CADM2: variants seen among roughly 807,000 people sequenced by gnomAD.
CADM2 encodes the protein cell adhesion molecule 2, also known as immunoglobulin superfamily member 4D.
A neutral mutation model predicts 49.8 loss-of-function variants in CADM2; 12 were observed. That is an observed-to-expected ratio of 0.24 (90% CI 0.15 to 0.39). CADM2 has a LOEUF of 0.39. CADM2 is among the 10% of genes least tolerant of loss of function. CADM2 has a pLI of 1.00. For synonymous variants in CADM2, 214 were observed against 175.4 expected (o/e 1.22, Z -1.74); for missense variants, 378 against 492.3 (o/e 0.77, Z 2.20).
chr3:84,970,274 A>ATTT (rs5850655), intron 1 of CADM2, among the ~76,000 whole-genome samples: 9 of 147,222 alleles, frequency 6.1e-5, no homozygotes, highest in African/African-American at 7.4e-5. Flanking sequence ...ATTGAATTTG[A>ATTT]TTTTTTTTTT....
At chr3:85,043,092 G>T (rs1331376014) in intron 1 of CADM2, among the ~76,000 whole-genome samples, 1 of 152,106 alleles carries the variant, frequency 6.6e-6, no homozygotes, top group African/African-American at 2.4e-5. Flanking sequence ...TGGGTGGGGG[G>T]TGAAGCTAGT....
chr3:85,324,060 C>T (rs941852679), intron 1 of CADM2, among the ~76,000 whole-genome samples: 2 of 152,050 alleles, frequency 1.3e-5, no homozygotes, highest in Admixed American at 6.6e-5. Context: ...TTATATTTTT[C>T]GTTAGCCTTC....
In CADM2 at chr3:85,443,933, T is replaced by G. The variant is rs114554114; in HGVS notation, c.62-282589T>G. Among the ~76,000 whole-genome samples, 345 of 151,954 alleles carry G rather than the reference T, an allele frequency of 2.3e-3. 2 individuals carry two copies. Among genetic ancestry groups the G allele is most frequent in the African/African-American group, 8.0e-3 (333 of 41,524 alleles). ...AGATGTTAGATAGGTATCTCAGATT[T>G]AATGAGCCCCCCAAATTGCATCTGT... On this transcript the variant is annotated intron_variant, in intron 1 of 9. Transcript: ENST00000383699.
chr3:85,746,126 T>C (rs1287383885), intron 2 of CADM2, among the ~76,000 whole-genome samples: 2 of 152,214 alleles, frequency 1.3e-5, no homozygotes, highest in Non-Finnish European at 2.9e-5. Context: ...ACAACTTCAA[T>C]TTAAAATTTC....
intron 1 of CADM2, among the ~76,000 whole-genome samples, chr3:85,529,062 A>G (rs1429911436): frequency 1.3e-5 from 2 of 152,072 alleles, no homozygotes; most frequent in Non-Finnish European, 2.9e-5. Flanking sequence ...CATTTTATAA[A>G]TGAAGAAATT....
At chr3:85,454,591 T>C (rs1268670132) in intron 1 of CADM2, among the ~76,000 whole-genome samples, 1 of 152,208 alleles carries the variant, frequency 6.6e-6, no homozygotes, top group African/African-American at 2.4e-5. Context: ...CTCACTGTTA[T>C]TAAAAATTTG....
intron 1 of CADM2, among the ~76,000 whole-genome samples, chr3:85,107,617 C>CTT (rs1559666013): frequency 7.0e-5 from 10 of 142,254 alleles, no homozygotes; most frequent in Non-Finnish European, 1.1e-4. Context: ...CTTTTTCTTT[C>CTT]TTTCTTTCTT....
At chr3:85,179,095 C>T (rs759971453) in intron 1 of CADM2, among the ~76,000 whole-genome samples, 2 of 151,832 alleles carry the variant, frequency 1.3e-5, no homozygotes, top group Non-Finnish European at 2.9e-5. Context: ...AGTGAAAATA[C>T]AGTGATGCAT....
chr3:85,757,577 G>A (rs1381119377), intron 2 of CADM2, among the ~76,000 whole-genome samples: 1 of 152,128 alleles, frequency 6.6e-6, no homozygotes, highest in East Asian at 1.9e-4. Flanking sequence ...AATACGAGGA[G>A]TGATAAAGGC....
intron 1 of CADM2, among the ~76,000 whole-genome samples, chr3:85,315,633 A>C (rs1376237387): frequency 1.3e-5 from 2 of 152,196 alleles, no homozygotes; most frequent in Non-Finnish European, 2.9e-5. Context: ...ATCCAATATT[A>C]AATCTTTTAA....
intron 7 of CADM2, among the ~76,000 whole-genome samples, chr3:85,957,160 C>T (rs1427624362): frequency 4.6e-5 from 7 of 151,654 alleles, no homozygotes; most frequent in Admixed American, 4.0e-4. Flanking sequence ...ACAAGACAAT[C>T]TAGCCTGTTA....
At chr3:85,963,527 T>G (rs1362612668) in intron 8 of CADM2, among the ~76,000 whole-genome samples, 3 of 151,898 alleles carry the variant, frequency 2.0e-5, no homozygotes, top group Non-Finnish European at 2.9e-5. Context: ...ACCTTAATTT[T>G]CCAAGTGCTT....
At chr3:85,009,237 C>A (rs937149818) in intron 1 of CADM2, among the ~76,000 whole-genome samples, 13 of 152,016 alleles carry the variant, frequency 8.6e-5, no homozygotes, top group African/African-American at 3.1e-4. Flanking sequence ...AATTCAGAGA[C>A]ATTAAAGATA....
At chr3:85,786,912 G>A (rs1047962671) in intron 2 of CADM2, among the ~76,000 whole-genome samples, 5 of 152,004 alleles carry the variant, frequency 3.3e-5, no homozygotes, top group Non-Finnish European at 5.9e-5. Flanking sequence ...TTTCACAGGG[G>A]AAAAACTTAA....
chr3:85,331,495 T>G (rs1230926473), intron 1 of CADM2, among the ~76,000 whole-genome samples: 1 of 151,572 alleles, frequency 6.6e-6, no homozygotes, highest in Non-Finnish European at 1.5e-5. Context: ...CATGAAAATC[T>G]AAAAGTGACT....
At chr3:86,057,235 A>T (rs938010875) in intron 8 of CADM2, among the ~76,000 whole-genome samples, 1 of 152,164 alleles carries the variant, frequency 6.6e-6, no homozygotes, top group Non-Finnish European at 1.5e-5. Context: ...CCCACAAGTT[A>T]TGTATAACTG....
chr3:86,020,562 G>C (rs1175586814), intron 8 of CADM2, among the ~76,000 whole-genome samples: 1 of 151,234 alleles, frequency 6.6e-6, no homozygotes, highest in African/African-American at 2.4e-5. Context: ...CAATATCCTT[G>C]ATGAACATTG....
At chr3:85,249,538 A>T (rs760292257) in intron 1 of CADM2, among the ~76,000 whole-genome samples, 4 of 152,002 alleles carry the variant, frequency 2.6e-5, no homozygotes, top group Non-Finnish European at 4.4e-5. Context: ...ATTAATGTTT[A>T]CATTGTCTAT....
At chr3:85,325,921 C>A (rs1273476993) in intron 1 of CADM2, among the ~76,000 whole-genome samples, 1 of 152,068 alleles carries the variant, frequency 6.6e-6, no homozygotes, top group African/African-American at 2.4e-5. Flanking sequence ...CTTACATCTT[C>A]TCAGAAACAA....
Sources: allele counts gnomAD v4.1 joint callset (sites outside exome capture counted in the v4.1 genomes callset), GRCh38; gene constraint gnomAD v4.1.1; transcripts MANE v1.5; gene names NCBI Gene and HGNC (gene_info 2026-07-23, HGNC 2026-07-21).